TRABD2B: variants seen among roughly 807,000 people sequenced by gnomAD.
TRABD2B encodes the protein metalloprotease TIKI2.
Under a neutral mutation model 40.1 loss-of-function variants are expected in TRABD2B, and 14 were observed. The ratio of observed to expected loss-of-function variants is 0.35; its 90% CI spans 0.23 to 0.55. The LOEUF (loss-of-function observed/expected upper bound fraction) is 0.55, where lower values mean the gene tolerates loss of function less well. TRABD2B is among the 20% of genes least tolerant of loss of function. TRABD2B has a pLI of 0.90. For missense variants in TRABD2B, 541 were observed against 648.6 expected (o/e 0.83, Z 1.80); for synonymous variants, 263 against 277.0 (o/e 0.95, Z 0.50).
chr1:47,813,477 G>GA lies in TRABD2B; in HGVS notation c.667-11859dup, dbSNP rs1644991536. On this transcript the variant is annotated intron_variant, in intron 2 of 6. Coordinates refer to ENST00000606738, the MANE Select transcript of TRABD2B (RefSeq NM_001194986.2). The surrounding 1 kb of genome is among the most constrained non-coding windows in gnomAD (Gnocchi z 4.3). ...AAGCCTTCAGAGACAAACAGCAGCT[G>GA]AAAGGGCAGAGATCTGACCCAGTTT... Among the ~76,000 whole-genome samples the GA allele has an allele frequency of 6.6e-6, 1 of 152,204 alleles. No individual in the cohort carries two copies. The highest frequency in any genetic ancestry group is 6.5e-5 in the Admixed American group (1 of 15,290).
intron 2 of TRABD2B, among the ~76,000 whole-genome samples, chr1:47,931,074 C>T (rs773288367): frequency 6.6e-6 from 1 of 152,218 alleles, no homozygotes; most frequent in African/African-American, 2.4e-5. Context: ...GTATTATCGA[C>T]TGCTCTATCC....
chr1:47,987,093 G>A (rs759483748), intron 2 of TRABD2B, among the ~76,000 whole-genome samples: 1 of 152,146 alleles, frequency 6.6e-6, no homozygotes, highest in East Asian at 1.9e-4. Context: ...TTTGAGAGAC[G>A]TCCAAATGGG....
intron 2 of TRABD2B, among the ~76,000 whole-genome samples, chr1:47,851,562 G>A (rs762506495): frequency 6.6e-6 from 1 of 152,154 alleles, no homozygotes; most frequent in African/African-American, 2.4e-5. Flanking sequence ...GAGTTATACT[G>A]GAGCTGAAGA....
intron 2 of TRABD2B, among the ~76,000 whole-genome samples, chr1:47,866,386 C>T (rs973436803): frequency 1.3e-5 from 2 of 152,080 alleles, no homozygotes; most frequent in East Asian, 3.9e-4. Flanking sequence ...AGAGAAGGCT[C>T]AAGAGATATA....
intron 6 of TRABD2B, among the ~76,000 whole-genome samples, chr1:47,768,251 GGA>G (rs1165737681): frequency 2.0e-5 from 3 of 152,174 alleles, no homozygotes; most frequent in Non-Finnish European, 4.4e-5. Flanking sequence ...GGAACTATCA[GGA>G]GGGGAGGGAG....
chr1:47,815,008 G>A (rs1645012225), intron 2 of TRABD2B, among the ~76,000 whole-genome samples: 1 of 152,168 alleles, frequency 6.6e-6, no homozygotes, highest in Non-Finnish European at 1.5e-5. Context: ...CTGAGCCCCA[G>A]AGAGGGCAGC....
intron 4 of TRABD2B, among the ~76,000 whole-genome samples, chr1:47,793,251 GAGGCCACAAC>G (rs1644700316): frequency 6.6e-6 from 1 of 152,118 alleles, no homozygotes; most frequent in Non-Finnish European, 1.5e-5. Flanking sequence ...AGACTTGCCG[GAGGCCACAAC>G]AGGCCACAGC....
chr1:47,844,718 C>T (rs1003832269), intron 2 of TRABD2B, among the ~76,000 whole-genome samples: 3 of 152,044 alleles, frequency 2.0e-5, no homozygotes, highest in Admixed American at 6.6e-5. Context: ...GTTGGGCCTA[C>T]GAGGATAAGA....
chr1:47,953,853 T>C, intron 2 of TRABD2B, among the ~76,000 whole-genome samples: 1 of 152,204 alleles, frequency 6.6e-6, no homozygotes, highest in Non-Finnish European at 1.5e-5. Context: ...CCCACTCCAG[T>C]GCTCCAGTGC....
chr1:47,990,656 C>T (rs1557699327), intron 2 of TRABD2B, among the ~76,000 whole-genome samples: 1 of 150,608 alleles, frequency 6.6e-6, no homozygotes, highest in Non-Finnish European at 1.5e-5. Context: ...TTCTCATGTC[C>T]CCACAAAAAC....
chr1:47,919,323 T>G (rs1469386764), intron 2 of TRABD2B, among the ~76,000 whole-genome samples: 2 of 152,182 alleles, frequency 1.3e-5, no homozygotes, highest in African/African-American at 4.8e-5. Context: ...GCCCTCCCCA[T>G]GGTGAGCTAT....
chr1:47,823,571 ATG>A (rs1645138186), intron 2 of TRABD2B, among the ~76,000 whole-genome samples: 1 of 152,124 alleles, frequency 6.6e-6, no homozygotes, highest in African/African-American at 2.4e-5. Flanking sequence ...GAGAATGGAT[ATG>A]TGTGTTTGCT....
At chr1:47,988,995 A>C (rs1434192692) in intron 2 of TRABD2B, among the ~76,000 whole-genome samples, 1 of 152,222 alleles carries the variant, frequency 6.6e-6, no homozygotes, top group Non-Finnish European at 1.5e-5. Context: ...AGATTAGTTC[A>C]TGAGGTCTGT....
At chr1:47,831,958 A>G (rs61359020) in intron 2 of TRABD2B, among the ~76,000 whole-genome samples, 13,129 of 140,976 alleles carry the variant, frequency 0.093, 647 homozygotes, top group African/African-American at 0.15. Flanking sequence ...TGATACAGCA[A>G]AAAAACTCCT....
intron 6 of TRABD2B, among the ~76,000 whole-genome samples, chr1:47,769,057 C>A (rs748850998): frequency 1.5e-4 from 23 of 152,198 alleles, no homozygotes; most frequent in Non-Finnish European, 3.1e-4. Context: ...TGGAGGCTTG[C>A]CAGGCGGGGA....
At chr1:47,938,951 CAGAGACAG>C (rs1470599882) in intron 2 of TRABD2B, among the ~76,000 whole-genome samples, 1 of 151,682 alleles carries the variant, frequency 6.6e-6, no homozygotes, top group Non-Finnish European at 1.5e-5. Flanking sequence ...GAGACAGAGA[CAGAGACAG>C]AGAGGGGCAG....
intron 2 of TRABD2B, among the ~76,000 whole-genome samples, chr1:47,939,906 C>T (rs1405908713): frequency 1.3e-5 from 2 of 152,186 alleles, no homozygotes; most frequent in East Asian, 1.9e-4. Flanking sequence ...TTCTAGTCCA[C>T]CTCCCTCCCA....
chr1:47,802,492 G>A (rs1644836572), intron 2 of TRABD2B, among the ~76,000 whole-genome samples: 1 of 152,166 alleles, frequency 6.6e-6, no homozygotes, highest in Admixed American at 6.5e-5. Flanking sequence ...GAGTATCCCA[G>A]ACTCCTTTGT....
chr1:47,801,411 C>T, intron 3 of TRABD2B, 62 bp downstream of exon 3: 2 of 1,470,490 alleles, frequency 1.4e-6, no homozygotes, highest in Non-Finnish European at 1.8e-6. Context: ...ATTACCTATG[C>T]CTGGCACGTC....
Sources: gnomAD v4.1 joint callset for allele counts (sites outside exome capture counted in the v4.1 genomes callset) on GRCh38, gnomAD v4.1.1 for gene constraint, Gnocchi (gnomAD v3.1) non-coding constraint, MANE v1.5 for transcripts, NCBI Gene and HGNC (gene_info 2026-07-23, HGNC 2026-07-21) for gene names.